Variants in HCRTR2 observed in about 807,000 individuals in gnomAD.
HCRTR2 encodes orexin receptor type 2.
HCRTR2 carries 22 observed loss-of-function variants against 49.0 expected under a neutral mutation model. The observed-to-expected ratio is 0.45, with a 90% CI of 0.32 to 0.64. The LOEUF is 0.64. Among genes scored for constraint, HCRTR2 ranks in the 30% least tolerant of loss-of-function variants. The pLI is 0.04. For missense variants in HCRTR2, 491 were observed against 559.4 expected, an observed-to-expected ratio of 0.88 and a Z score of 1.23; for synonymous variants, 236 against 205.3, an observed-to-expected ratio of 1.15 and a Z score of -1.28.
At chr6:55,267,374 C>T (rs2127324839) in intron 4 of HCRTR2, among the ~76,000 whole-genome samples, 1 of 147,824 alleles carries the variant, frequency 6.8e-6, no homozygotes, top group East Asian at 2.0e-4. Context: ...TAATGCATTG[C>T]TGTGAACTAC....
At chr6:55,241,861 ATTTTTT>A (rs917427627) in intron 1 of HCRTR2, among the ~76,000 whole-genome samples, 1,420 of 92,518 alleles carry the variant, frequency 0.015, 39 homozygotes, top group African/African-American at 0.058. Flanking sequence ...ATGGCAACTA[ATTTTTT>A]TTTTTTTTTT....
intron 1 of HCRTR2, among the ~76,000 whole-genome samples, chr6:55,197,170 C>T (rs1765431517): frequency 6.6e-6 from 1 of 152,208 alleles, no homozygotes; most frequent in Non-Finnish European, 1.5e-5. Flanking sequence ...CTATACCCAA[C>T]TGTTAACCCC....
intron 1 of HCRTR2, among the ~76,000 whole-genome samples, chr6:55,142,340 G>A (rs1393361640): frequency 6.7e-6 from 1 of 149,722 alleles, no homozygotes; most frequent in African/African-American, 2.5e-5. Context: ...GGGACTACAG[G>A]CACCCGCCAC....
upstream of HCRTR2, among the ~76,000 whole-genome samples, chr6:55,171,565 C>T (rs1764950038): frequency 1.3e-5 from 2 of 151,818 alleles, no homozygotes; most frequent in Non-Finnish European, 2.9e-5. Flanking sequence ...AAAAAGAAAA[C>T]AAGTAATAAT....
chr6:55,230,140 A>G (rs1284010963), intron 1 of HCRTR2, among the ~76,000 whole-genome samples: 1 of 152,188 alleles, frequency 6.6e-6, no homozygotes, highest in African/African-American at 2.4e-5. Flanking sequence ...GAGAGCTCAT[A>G]TTTACTAACC....
intron 1 of HCRTR2, among the ~76,000 whole-genome samples, chr6:55,232,773 G>A (rs1241540369): frequency 6.6e-6 from 1 of 152,236 alleles, no homozygotes; most frequent in African/African-American, 2.4e-5. Context: ...TATAAAATAG[G>A]TACAAGTATC....
rs150810005 is a variant in HCRTR2, at chr6:55,247,150, ATG to A, written c.224-1475_224-1474del. Among the ~76,000 whole-genome samples the A allele has an allele frequency of 2.9e-4, 44 of 151,470 alleles. No individual in the cohort carries two copies. In the South Asian group the frequency reaches 3.8e-3, roughly 13 times the overall value. On this transcript the variant is annotated intron_variant, in intron 1 of 6. Coordinates refer to ENST00000370862, the MANE Select transcript of HCRTR2 (RefSeq NM_001384272.1). ...AGGGTGGGTTTGTGTGTGTGTGAATATGTGTGTGTGTGTGTTTCAAGTGTTTA... is the reference window on the plus strand; with the variant it reads ...AGGGTGGGTTTGTGTGTGTGTGAATATGTGTGTGTGTGTTTCAAGTGTTTA...
At chr6:55,140,798 A>G (rs962496764) in intron 1 of HCRTR2, among the ~76,000 whole-genome samples, 5 of 152,108 alleles carry the variant, frequency 3.3e-5, no homozygotes, top group Admixed American at 3.3e-4. Context: ...ACTGATTCAT[A>G]GTTGCTTAGA....
intron 4 of HCRTR2, among the ~76,000 whole-genome samples, chr6:55,269,828 G>A (rs1364816184): frequency 1.3e-5 from 2 of 152,050 alleles, no homozygotes; most frequent in African/African-American, 4.8e-5. Flanking sequence ...GCATGGTGGT[G>A]CAGTGCAAGA....
At chr6:55,112,943 G>A (rs1017161140) in intron 1 of HCRTR2, among the ~76,000 whole-genome samples, 1 of 151,946 alleles carries the variant, frequency 6.6e-6, no homozygotes, top group Non-Finnish European at 1.5e-5. Flanking sequence ...ATAGACCAAG[G>A]GAGCAGAACA....
Position 55,128,839 on chromosome 6 carries a change from T to C in HCRTR2, c.-378+22294T>C, listed in dbSNP as rs901148502. 3.3e-5 allele frequency among the ~76,000 whole-genome samples: 5 copies of C among 152,150 alleles called. No individual in the cohort carries two copies. The South Asian group carries it at 1.0e-3, about 31-fold the overall frequency. On this transcript the variant is annotated intron_variant, in intron 1 of 7. Coordinates refer to the HCRTR2 transcript ENST00000615358. ...ATTTATTTAATATACTGTGGCACAC[T>C]AGTATTGATTTAATATAATAACATG...
intron 1 of HCRTR2, among the ~76,000 whole-genome samples, chr6:55,221,362 A>T (rs755474496): frequency 5.4e-4 from 82 of 152,226 alleles, no homozygotes; most frequent in Non-Finnish European, 1.1e-3. Context: ...TAGCGAGCCC[A>T]GAAATAAGCC....
chr6:55,154,776 T>C (rs1048681036), intron 1 of HCRTR2, among the ~76,000 whole-genome samples: 2 of 151,630 alleles, frequency 1.3e-5, no homozygotes, highest in Non-Finnish European at 3.0e-5. Flanking sequence ...TACCTCTGTT[T>C]GTAGATGAGC....
At chr6:55,128,090 A>G (rs1204352696) in intron 1 of HCRTR2, among the ~76,000 whole-genome samples, 1 of 152,044 alleles carries the variant, frequency 6.6e-6, no homozygotes, top group African/African-American at 2.4e-5. Flanking sequence ...TCTTGAGTTA[A>G]TTTTTGTACA....
intron 1 of HCRTR2, among the ~76,000 whole-genome samples, chr6:55,245,566 T>C (rs1353148465): frequency 6.7e-6 from 1 of 148,572 alleles, no homozygotes; most frequent in Non-Finnish European, 1.5e-5. Context: ...ACTGTCTTAA[T>C]AGACTGACAG....
intron 1 of HCRTR2, among the ~76,000 whole-genome samples, chr6:55,154,164 C>G (rs113659579): frequency 2.3e-4 from 35 of 151,822 alleles, no homozygotes; most frequent in African/African-American, 8.4e-4. Flanking sequence ...AGTCTAGGAC[C>G]AGAAGTCTTC....
At chr6:55,278,530 GT>G (rs1289574061) in intron 5 of HCRTR2, among the ~76,000 whole-genome samples, 1 of 150,084 alleles carries the variant, frequency 6.7e-6, no homozygotes. Context: ...TTTGGCCCCT[GT>G]TTTTGATGGT....
intron 1 of HCRTR2, chr6:55,240,932 G>T: frequency 1.7e-5 from 3 of 178,826 alleles, no homozygotes; most frequent in South Asian, 1.1e-4. Flanking sequence ...AGATGGTGTT[G>T]GCCATTTTAT....
At chr6:55,155,692 C>A (rs1764721705) in intron 1 of HCRTR2, among the ~76,000 whole-genome samples, 1 of 151,782 alleles carries the variant, frequency 6.6e-6, no homozygotes. Context: ...TTAATTCATT[C>A]AAACATTATA....
Sources: gnomAD v4.1 joint callset for allele counts (sites outside exome capture counted in the v4.1 genomes callset) on GRCh38, gnomAD v4.1.1 for gene constraint, MANE v1.5 for transcripts, NCBI Gene and HGNC (gene_info 2026-07-23, HGNC 2026-07-21) for gene names.